The following AGAP1 variants were observed in gnomAD, a reference collection of about 807,000 sequenced individuals.
The protein encoded by AGAP1 is ArfGAP with GTPase domain, ankyrin repeat and PH domain 1.
Under a neutral mutation model 105.3 loss-of-function variants are expected in AGAP1, and 29 were observed. The ratio of observed to expected loss-of-function variants is 0.28; its 90% CI spans 0.21 to 0.38. The LOEUF is 0.38. Ranked by LOEUF, AGAP1 falls within the 10% of genes least tolerant of loss-of-function variation. The pLI, the probability that AGAP1 is intolerant of heterozygous loss-of-function variation, is 1.00. For missense variants in AGAP1, 998 were observed against 1,165.1 expected (o/e 0.86, Z 2.09); for synonymous variants, 509 against 485.9 (o/e 1.05, Z -0.63).
rs2052068957 is a variant in AGAP1, at chr2:235,919,564, G to A, written c.1324+10658G>A. 6.6e-6 allele frequency among the ~76,000 whole-genome samples: 1 copy of A among 152,178 alleles called. No individual in the cohort carries two copies. Among genetic ancestry groups the A allele is most frequent in the Non-Finnish European group, 1.5e-5 (1 of 68,034 alleles). On this transcript the variant is annotated intron_variant, in intron 11 of 17. Transcript: ENST00000304032. The surrounding 1 kb of genome is among the most constrained non-coding windows in gnomAD (Gnocchi z 4.1). ...GAGATCATTTTGTAAGAACTGGAAA[G>A]CAGAGAAAGAAGTAGTAGTGAATAC...
At chr2:235,922,293 G>A (rs1004583980) in intron 11 of AGAP1, among the ~76,000 whole-genome samples, 1 of 152,142 alleles carries the variant, frequency 6.6e-6, no homozygotes, top group Non-Finnish European at 1.5e-5. Flanking sequence ...TAAAATAGAA[G>A]GTATACAATT....
intron 6 of AGAP1, among the ~76,000 whole-genome samples, chr2:235,794,204 G>T (rs1437109301): frequency 6.6e-6 from 1 of 152,112 alleles, no homozygotes; most frequent in Non-Finnish European, 1.5e-5. Context: ...AGTTGAAGGG[G>T]CTAGTTAGAG....
At position 235,740,922 on chromosome 2, in the gene AGAP1, CTG is replaced by C; in HGVS notation, c.311-39_311-38del. 1.2e-6 allele frequency: 2 copies of C among 1,613,596 alleles called. No homozygotes were observed. Among genetic ancestry groups the C allele is most frequent in the Non-Finnish European group, 1.7e-6 (2 of 1,179,556 alleles). ...CACGTCTGTCTGCCCTCCTCACTCT[CTG>C]TTGTTCTCGTGTAACGAGATGTTTT... is the stretch of plus-strand genomic sequence containing the variant. On this transcript the variant is annotated intron_variant, in intron 3 of 17. Coordinates refer to ENST00000304032, the MANE Select transcript of AGAP1 (RefSeq NM_001037131.3). This position sits in a 1 kb window ranked among gnomAD's most constrained non-coding sequence, Gnocchi z 5.7.
intron 1 of AGAP1, among the ~76,000 whole-genome samples, chr2:235,594,694 C>T (rs1249726820): frequency 6.6e-6 from 1 of 151,956 alleles, no homozygotes; most frequent in Non-Finnish European, 1.5e-5. Context: ...GCCTTGGCGT[C>T]CCAAGTAGCA....
intron 1 of AGAP1, among the ~76,000 whole-genome samples, chr2:235,641,641 C>T (rs1947201086): frequency 6.6e-6 from 1 of 152,184 alleles, no homozygotes; most frequent in South Asian, 2.1e-4. Flanking sequence ...TTTACTTTCC[C>T]CCCCACATAC....
At position 236,101,761 on chromosome 2, in the gene AGAP1, A is replaced by C. The variant is rs541506090; in HGVS notation, c.2115-18431A>C. 6.6e-6 allele frequency among the ~76,000 whole-genome samples: 1 copy of C among 152,348 alleles called. No homozygotes were observed. The highest frequency in any genetic ancestry group is 6.5e-5 in the Admixed American group (1 of 15,312). ...CACCAGCAGAGCCGCCGTGGGCTTC[A>C]TGCCACGTTACGCGGAGTCTAGGAC... On this transcript the variant is annotated intron_variant, in intron 16 of 17. Transcript: ENST00000304032. This position sits in a 1 kb window ranked among gnomAD's most constrained non-coding sequence, Gnocchi z 4.9.
At chr2:235,910,813 A>T (rs1390019511) in intron 11 of AGAP1, among the ~76,000 whole-genome samples, 2 of 151,956 alleles carry the variant, frequency 1.3e-5, no homozygotes, top group African/African-American at 4.8e-5. Context: ...GCTACTCAGG[A>T]GGCTAAGGCA....
intron 1 of AGAP1, among the ~76,000 whole-genome samples, chr2:235,602,045 C>T (rs371592824): frequency 2.6e-5 from 4 of 152,184 alleles, no homozygotes; most frequent in Admixed American, 6.5e-5. Context: ...GGATAAACAC[C>T]GATGTCCTTA....
intron 1 of AGAP1, among the ~76,000 whole-genome samples, chr2:235,501,093 C>T (rs113714052): frequency 0.024 from 3,601 of 152,206 alleles, 146 homozygotes; most frequent in African/African-American, 0.083. Context: ...TGGCCACTCC[C>T]GGATTCCTTA....
At position 236,104,205 on chromosome 2, in the gene AGAP1, G is replaced by A. The variant is rs956334958; in HGVS notation, c.2115-15987G>A. ...CTGAGGGCCCGCTCCAGCAGCCGGGGCGCTGGTAGGGCCAGGCCTGTTGGC... is the reference window on the plus strand; with the variant it reads ...CTGAGGGCCCGCTCCAGCAGCCGGGACGCTGGTAGGGCCAGGCCTGTTGGC... On this transcript the variant is annotated intron_variant, in intron 16 of 17. Transcript: ENST00000304032. This position sits in a 1 kb window ranked among gnomAD's most constrained non-coding sequence, Gnocchi z 4.7. Among the ~76,000 whole-genome samples the A allele has an allele frequency of 6.6e-6, 1 of 152,202 alleles. No individual in the cohort carries two copies. Among genetic ancestry groups the A allele is most frequent in the Admixed American group, 6.5e-5 (1 of 15,290 alleles).
intron 2 of AGAP1, among the ~76,000 whole-genome samples, chr2:235,715,260 T>A (rs1243374189): frequency 2.0e-5 from 3 of 152,186 alleles, no homozygotes; most frequent in Admixed American, 1.3e-4. Context: ...TTACCAGGAC[T>A]TTGTTGGAGC....
In AGAP1 at chr2:235,780,361, T is replaced by C. The variant is rs114104957; in HGVS notation, c.674-17398T>C. On this transcript the variant is annotated intron_variant, in intron 6 of 17. Coordinates refer to ENST00000304032, the MANE Select transcript of AGAP1 (RefSeq NM_001037131.3). The stretch of plus-strand genomic sequence containing the variant: ...ATTGGATTCTGCCCATAAAACTTAG[T>C]AATACTAATAAAGACAGGTCATTAC... Among the ~76,000 whole-genome samples the C allele has an allele frequency of 5.8e-3, 884 of 152,318 alleles. 5 individuals are homozygous for C. The highest frequency in any genetic ancestry group is 0.02 in the African/African-American group (818 of 41,572).
At chr2:235,626,843 C>T (rs924777667) in intron 1 of AGAP1, among the ~76,000 whole-genome samples, 4 of 152,154 alleles carry the variant, frequency 2.6e-5, no homozygotes, top group Admixed American at 6.5e-5. Context: ...ATTGGCATGG[C>T]GTGTTTCAAT....
At chr2:235,880,417 C>T (rs562944304) in intron 9 of AGAP1, among the ~76,000 whole-genome samples, 2 of 152,130 alleles carry the variant, frequency 1.3e-5, no homozygotes, top group South Asian at 4.1e-4. Flanking sequence ...CACCAGAGAC[C>T]GTGGCCCTGG....
At chr2:235,647,442 C>T (rs1237189919) in intron 1 of AGAP1, among the ~76,000 whole-genome samples, 1 of 152,112 alleles carries the variant, frequency 6.6e-6, no homozygotes, top group Non-Finnish European at 1.5e-5. Flanking sequence ...GGCCGGAGTG[C>T]AGTGGTGCAG....
Position 235,611,346 on chromosome 2 carries a change from T to C in AGAP1, c.164-97833T>C, listed in dbSNP as rs1301710192. ...CTTGAGGTCAGGATGCTGCAACGAATATAATAGAAAATGATGTTAATATTC... is the reference window on the plus strand; with the variant it reads ...CTTGAGGTCAGGATGCTGCAACGAACATAATAGAAAATGATGTTAATATTC... On this transcript the variant is annotated intron_variant, in intron 1 of 17. Transcript: ENST00000304032. This position sits in a 1 kb window ranked among gnomAD's most constrained non-coding sequence, Gnocchi z 5.0. 8.5e-5 allele frequency among the ~76,000 whole-genome samples: 13 copies of C among 152,216 alleles called. No individual in the cohort carries two copies. The highest frequency in any genetic ancestry group is 1.5e-5 in the Non-Finnish European group (1 of 68,036).
rs553037277 is a variant in AGAP1, at chr2:235,744,763, C to T, written c.462C>T (p.Thr154=). The T allele has an allele frequency of 2.5e-6, 4 of 1,613,862 alleles. No homozygotes were observed. The highest frequency in any genetic ancestry group is 2.2e-5 in the East Asian group (1 of 44,828). The part of the protein sequence containing the change: ...FSLEDEISFQ[T]VYHYYSRMAN... ...TGGAGGATGAAATAAGTTTCCAGACCGTTTACCACTACTACAGTCGAATGG... is the reference window on the plus strand; with the variant it reads ...TGGAGGATGAAATAAGTTTCCAGACTGTTTACCACTACTACAGTCGAATGG... Residue 154 remains threonine (T), a synonymous_variant, in exon 5 of 18, where the codon ACC becomes ACT. Coordinates refer to ENST00000304032, the MANE Select transcript of AGAP1 (RefSeq NM_001037131.3). This position sits in a 1 kb window ranked among gnomAD's most constrained non-coding sequence, Gnocchi z 5.2.
At chr2:235,545,545 A>T (rs780788355) in intron 1 of AGAP1, among the ~76,000 whole-genome samples, 1 of 151,922 alleles carries the variant, frequency 6.6e-6, no homozygotes. Context: ...TTTTACTCCG[A>T]CTCCGTTGCT....
At chr2:235,860,629 TG>T (rs1408640327) in intron 9 of AGAP1, among the ~76,000 whole-genome samples, 1 of 152,230 alleles carries the variant, frequency 6.6e-6, no homozygotes. Context: ...GACAGTACAA[TG>T]TTTTGCTTTA....
Sources: allele counts gnomAD v4.1 joint callset (sites outside exome capture counted in the v4.1 genomes callset), GRCh38; gene constraint gnomAD v4.1.1; non-coding constraint Gnocchi (gnomAD v3.1); transcripts MANE v1.5; gene names NCBI Gene and HGNC (gene_info 2026-07-23, HGNC 2026-07-21).